Variants in URI1 observed in about 807,000 individuals in gnomAD.
The protein encoded by URI1 is URI1 prefoldin like chaperone.
URI1 carries 39 observed loss-of-function variants against 60.2 expected under a neutral mutation model. The observed-to-expected ratio is 0.65, with a 90% CI of 0.50 to 0.85. The LOEUF (loss-of-function observed/expected upper bound fraction) is 0.85. URI1 is among the 40% of genes least tolerant of loss of function. The pLI, the probability that URI1 is intolerant of heterozygous loss-of-function variation, is 0.00. For synonymous variants in URI1, 251 were observed against 236.8 expected, an observed-to-expected ratio of 1.06 and a Z score of -0.55; for missense variants, 691 against 665.9, an observed-to-expected ratio of 1.04 and a Z score of -0.42.
intron 1 of URI1, among the ~76,000 whole-genome samples, chr19:29,953,379 C>T (rs1176329244): frequency 4.6e-5 from 7 of 152,162 alleles, no homozygotes; most frequent in Non-Finnish European, 7.4e-5. Flanking sequence ...TATTGGACTT[C>T]ATTGGTCAAG....
At chr19:29,969,067 A>G (rs996205120) in intron 1 of URI1, among the ~76,000 whole-genome samples, 5 of 152,260 alleles carry the variant, frequency 3.3e-5, no homozygotes, top group African/African-American at 1.2e-4. Context: ...TACCTCTTTC[A>G]TCTTTCCCCT....
intron 4 of URI1, among the ~76,000 whole-genome samples, chr19:30,004,739 G>GAAAAA (rs2055918791): frequency 1.3e-5 from 2 of 152,016 alleles, no homozygotes; most frequent in South Asian, 4.1e-4. Context: ...ATTACTTGTT[G>GAAAAA]CATTTGTCCA....
At chr19:29,925,132 T>G (rs10413555) in intron 1 of URI1, among the ~76,000 whole-genome samples, 27,491 of 152,218 alleles carry the variant, frequency 0.18, 3,300 homozygotes, top group East Asian at 0.33. Flanking sequence ...CACCACACCT[T>G]GCTGCACCCT....
Position 29,986,869 on chromosome 19 carries a change from G to GA in URI1, c.367+460dup, listed in dbSNP as rs1159542567. Among the ~76,000 whole-genome samples the GA allele has an allele frequency of 4.6e-5, 7 of 151,462 alleles. No homozygotes were observed. In the South Asian group the frequency reaches 8.4e-4, roughly 18 times the overall value. On this transcript the variant is annotated intron_variant, in intron 4 of 10. Transcript: ENST00000392271. ...ATTCTTAAAAATGCTTTTTGGTTTG[G>GA]AAAAAAAACCATATTTTCATTTGAT...
rs2056012276 is a variant in URI1, at chr19:30,011,123, T to G, written c.1065T>G (p.Thr355=). Residue 355 remains threonine (T), a synonymous_variant, in exon 9 of 11, where the codon ACT becomes ACG. Coordinates refer to ENST00000392271, the MANE Select transcript of URI1 (RefSeq NM_003796.3). Reference sequence around the variant, plus strand: ...GAATAAATACTGGAAAGAATACCACTTTAAAATTCAGTGAAAAGAAAGAAG... The same window carrying G: ...GAATAAATACTGGAAAGAATACCACGTTAAAATTCAGTGAAAAGAAAGAAG... ...RVRINTGKNT[T]LKFSEKKEEA... 6.2e-7 allele frequency: 1 copy of G among 1,612,436 alleles called. No individual in the cohort carries two copies. The highest frequency in any genetic ancestry group is 1.1e-5 in the South Asian group (1 of 90,716).
In URI1 at chr19:29,935,700, C is replaced by CTTTTTTTTTTTTTTTTTTTTTTTTT. The variant is rs34820413; in HGVS notation, c.63+11960_63+11961insTTTTTTTTTTTTTTTTTTTTTTTTT. Among the ~76,000 whole-genome samples, 156 of 131,678 alleles carry CTTTTTTTTTTTTTTTTTTTTTTTTT rather than the reference C, an allele frequency of 1.2e-3. 5 individuals carry two copies. The highest frequency in any genetic ancestry group is 3.0e-3 in the East Asian group (12 of 3,940). 86.4% of individuals were successfully genotyped at this position (131,678 alleles called of 152,430 possible). ...TGGTAGGAAATTCTTGGTTGACAGTCTTTTTTTTTTTTTTCCCCAGGACTT... is the reference window on the plus strand; with the variant it reads ...TGGTAGGAAATTCTTGGTTGACAGTCTTTTTTTTTTTTTTTTTTTTTTTTTTTTTTTTTTTTTTTCCCCAGGACTT... On this transcript the variant is annotated intron_variant, in intron 1 of 10. Coordinates refer to the URI1 transcript ENST00000360605.
intron 4 of URI1, among the ~76,000 whole-genome samples, chr19:30,000,596 T>C (rs529866654): frequency 3.9e-5 from 6 of 152,126 alleles, no homozygotes; most frequent in South Asian, 2.1e-4. Context: ...ATTATTCTGT[T>C]ACCTCCTGTC....
intron 1 of URI1, among the ~76,000 whole-genome samples, chr19:29,961,675 G>GTTTTTTTTTTTT (rs200425572): frequency 9.4e-5 from 11 of 117,576 alleles, no homozygotes; most frequent in African/African-American, 1.2e-4. Context: ...TTTTTTTTTT[G>GTTTTTTTTTTTT]TTTTTTTTTT....
At chr19:29,997,748 G>T (rs2055830297) in intron 4 of URI1, among the ~76,000 whole-genome samples, 1 of 151,650 alleles carries the variant, frequency 6.6e-6, no homozygotes, top group Non-Finnish European at 1.5e-5. Flanking sequence ...TTTCATTTTT[G>T]TTGGTCTCAG....
chr19:30,011,428 AT>A (rs113291705), intron 9 of URI1, among the ~76,000 whole-genome samples, 192 bp downstream of exon 9: 280 of 141,272 alleles, frequency 2.0e-3, no homozygotes, highest in Middle Eastern at 3.7e-3. Flanking sequence ...GGAATGGAGG[AT>A]TTTTTTTTTT....
chr19:29,985,267 G>A lies in URI1; in HGVS notation c.197G>A (p.Ser66Asn). Residue 66 changes from serine (S) to asparagine (N), a missense_variant, in exon 3 of 11, where the codon AGC becomes AAC. Transcript: ENST00000392271. ...NDYNALRERL[S>N]TLPDKLSYNI... ...TATAATGCCCTTCGAGAAAGACTCAGCACCTTGCCTGATAAATTGTCTTAT... is the reference window on the plus strand; with the variant it reads ...TATAATGCCCTTCGAGAAAGACTCAACACCTTGCCTGATAAATTGTCTTAT... The A allele has an allele frequency of 6.2e-7, 1 of 1,609,566 alleles. No homozygotes were observed. The highest frequency in any genetic ancestry group is 1.1e-5 in the South Asian group (1 of 90,748).
chr19:29,966,410 A>G (rs1215574715), intron 1 of URI1, among the ~76,000 whole-genome samples: 3 of 152,200 alleles, frequency 2.0e-5, no homozygotes, highest in Non-Finnish European at 4.4e-5. Context: ...TGCTAAGATT[A>G]CAGGCGTGAG....
intron 2 of URI1, among the ~76,000 whole-genome samples, chr19:29,972,752 T>C (rs991180081): frequency 6.6e-6 from 1 of 152,128 alleles, no homozygotes; most frequent in Non-Finnish European, 1.5e-5. Flanking sequence ...ACAAATACTC[T>C]AGTAGTGCAC....
chr19:29,958,398 C>T (rs183892655), intron 1 of URI1, among the ~76,000 whole-genome samples: 2 of 152,132 alleles, frequency 1.3e-5, no homozygotes, highest in Admixed American at 1.3e-4. Flanking sequence ...GACATTTTCT[C>T]CTGTTGCTAA....
intron 1 of URI1, among the ~76,000 whole-genome samples, chr19:29,970,573 A>G (rs2055446969): frequency 6.6e-6 from 1 of 152,148 alleles, no homozygotes; most frequent in African/African-American, 2.4e-5. Flanking sequence ...TATTATAAAC[A>G]TAGTTTAAAC....
At position 30,012,375 on chromosome 19, in the gene URI1, T is replaced by G. The variant is rs1339771105; in HGVS notation, c.1269T>G (p.Thr423=). 6.2e-7 allele frequency: 1 copy of G among 1,614,164 alleles called. No homozygotes were observed. The highest frequency in any genetic ancestry group is 2.2e-5 in the East Asian group (1 of 44,882). ...RSRENSVCSD[T]SESSAAEFDD... is the part of the protein sequence containing the mutation. ...GAGAGAATAGTGTGTGTAGCGACAC[T>G]AGTGAAAGCAGTGCTGCTGAATTTG... is the stretch of plus-strand genomic sequence containing the variant. Residue 423 remains threonine, a synonymous_variant, in exon 10 of 11, where the codon ACT becomes ACG. Transcript: ENST00000392271.
intron 4 of URI1, among the ~76,000 whole-genome samples, chr19:29,992,434 T>A (rs1416090606): frequency 6.6e-6 from 1 of 152,220 alleles, no homozygotes; most frequent in Non-Finnish European, 1.5e-5. Flanking sequence ...AATTTCAGTC[T>A]TTTAATTGAT....
rs1568406574 is a variant in URI1, at chr19:29,942,350, CGG to C, written c.-195_-194del. ...GGAGCCCGCTGCGGGGCGGCGGCGG[CGG>C]GGACATGCACGTGTGAGATGCGGCA... On this transcript the variant is annotated 5_prime_UTR_variant, in exon 1 of 11. Transcript: ENST00000392271. The C allele has an allele frequency of 2.0e-6, 2 of 984,624 alleles. No individual in the cohort carries two copies. Among genetic ancestry groups the C allele is most frequent in the African/African-American group, 3.5e-5 (2 of 57,046 alleles). The allele number at this position is 984,624 out of a possible 1,614,324, so 61.0% of individuals were successfully genotyped here.
chr19:29,926,667 T>C (rs1456502736), intron 1 of URI1, among the ~76,000 whole-genome samples: 1 of 152,234 alleles, frequency 6.6e-6, no homozygotes, highest in African/African-American at 2.4e-5. Context: ...TGTGCACTTT[T>C]CTGCATATGT....
Sources: gnomAD v4.1 joint callset for allele counts (sites outside exome capture counted in the v4.1 genomes callset) on GRCh38, gnomAD v4.1.1 for gene constraint, MANE v1.5 for transcripts, NCBI Gene and HGNC (gene_info 2026-07-23, HGNC 2026-07-21) for gene names.